Variants in WNK3 observed in about 807,000 individuals in gnomAD.
The protein encoded by WNK3 is serine/threonine-protein kinase WNK3.
A neutral mutation model predicts 116.7 loss-of-function variants in WNK3; 18 were observed. The ratio of observed to expected loss-of-function variants is 0.15; its 90% confidence interval spans 0.11 to 0.23. The LOEUF (loss-of-function observed/expected upper bound fraction) is 0.23. Among genes scored for constraint, WNK3 ranks in the 10% least tolerant of loss-of-function variants. The pLI is 1.00. For missense variants in WNK3, 993 were observed against 1,323.8 expected, an observed-to-expected ratio of 0.75 and a Z score of 3.88; for synonymous variants, 404 against 469.4, an observed-to-expected ratio of 0.86 and a Z score of 1.80.
chrX:54,200,215 A>C (rs782676089), intron 23 of WNK3, among the ~76,000 whole-genome samples: 13 of 112,063 alleles, frequency 1.2e-4, no homozygotes, highest in African/African-American at 3.9e-4. Flanking sequence ...TCGTATATGC[A>C]ATTCTGTTAT....
At chrX:54,286,816 G>T (rs1339853892) in intron 10 of WNK3, among the ~76,000 whole-genome samples, 1 of 108,090 alleles carries the variant, frequency 9.3e-6, no homozygotes, top group Non-Finnish European at 1.9e-5. Flanking sequence ...AGGAGGTTGA[G>T]GCAGGAGAAT....
intron 10 of WNK3, among the ~76,000 whole-genome samples, chrX:54,276,615 T>C (rs1245430302): frequency 9.0e-6 from 1 of 111,356 alleles, no homozygotes; most frequent in Non-Finnish European, 1.9e-5. Context: ...TGTTTCGATA[T>C]TTGAAATCCA....
intron 10 of WNK3, among the ~76,000 whole-genome samples, chrX:54,279,679 G>C (rs781932230): frequency 2.0e-4 from 22 of 112,217 alleles, no homozygotes; most frequent in African/African-American, 6.8e-4. Flanking sequence ...AATTCAGAAT[G>C]TAAATTAAAA....
chrX:54,257,519 G>T (rs1160863868), intron 11 of WNK3, among the ~76,000 whole-genome samples: 1 of 111,114 alleles, frequency 9.0e-6, no homozygotes, highest in Non-Finnish European at 1.9e-5. Context: ...AATAGGCCAG[G>T]CATGGTGGCT....
At chrX:54,296,886 G>T (rs1459808408) in intron 7 of WNK3, among the ~76,000 whole-genome samples, 3 of 110,671 alleles carry the variant, frequency 2.7e-5, no homozygotes, top group African/African-American at 9.9e-5. Context: ...TTGAGAGTGG[G>T]GGCTGGTCAC....
intron 2 of WNK3, among the ~76,000 whole-genome samples, chrX:54,331,228 CA>C (rs1335666181): frequency 9.5e-6 from 1 of 104,785 alleles, no homozygotes; most frequent in Non-Finnish European, 2.0e-5. Context: ...ATTTGGAAAT[CA>C]AAAAATAAAA....
At chrX:54,358,781 G>A (rs2069635623), upstream of WNK3, 1 of 113,138 alleles carries the variant, frequency 8.8e-6, no homozygotes, top group South Asian at 3.6e-4. Context: ...CGGGTGCGAT[G>A]TACCCTGGGA....
At chrX:54,286,359 G>A (rs1267800329) in intron 10 of WNK3, among the ~76,000 whole-genome samples, 7 of 110,967 alleles carry the variant, frequency 6.3e-5, no homozygotes, top group Non-Finnish European at 1.1e-4. Flanking sequence ...GAGTCAGCAC[G>A]CACATACTGA....
At chrX:54,257,700 G>C (rs943303305) in intron 11 of WNK3, among the ~76,000 whole-genome samples, 3 of 98,076 alleles carry the variant, frequency 3.1e-5, no homozygotes, top group African/African-American at 1.1e-4. Context: ...TGAGGCAGGA[G>C]AATCGCTTGA....
At chrX:54,197,193 G>A (rs782691752) in exon 24 of WNK3, 1 of 112,242 alleles carries the variant, frequency 8.9e-6, no homozygotes, top group East Asian at 2.8e-4. Flanking sequence ...ATTCATATCA[G>A]CTGCAATATA....
At chrX:54,198,118 G>A (rs1030467467) in exon 24 of WNK3, 3 of 320,685 alleles carry the variant, frequency 9.4e-6, no homozygotes, top group Non-Finnish European at 1.6e-5. Context: ...AAACATTTCT[G>A]TGTGCAGTGT....
intron 2 of WNK3, among the ~76,000 whole-genome samples, chrX:54,327,321 T>C (rs781795536): frequency 3.4e-4 from 38 of 111,346 alleles, no homozygotes; most frequent in Non-Finnish European, 6.2e-4. Flanking sequence ...TGGTGGCTCA[T>C]GTCTGTAATC....
At chrX:54,238,627 C>T (rs1450506390) in intron 18 of WNK3, among the ~76,000 whole-genome samples, 155 bp from the exon 19 acceptor site, 1 of 111,723 alleles carries the variant, frequency 9.0e-6, no homozygotes, top group Non-Finnish European at 1.9e-5. Context: ...GTATTAAGTC[C>T]CTAAGTCTAA....
At chrX:54,212,427 T>A (rs1383391518) in intron 22 of WNK3, among the ~76,000 whole-genome samples, 1 of 111,765 alleles carries the variant, frequency 8.9e-6, no homozygotes, top group Non-Finnish European at 1.9e-5. Context: ...AAAAGCAATT[T>A]AGGAGGTCAG....
chrX:54,237,304 G>A, exon 20 of WNK3: 2 of 1,212,206 alleles, frequency 1.6e-6, no homozygotes, highest in Non-Finnish European at 2.2e-6. Context: ...TGCGCTGAAA[G>A]ATAAGAAGTT....
Position 54,287,875 on chromosome X carries a change from G to A in WNK3, c.2037+5013C>T, listed in dbSNP as rs186453406. On this transcript the variant is annotated intron_variant, in intron 10 of 23. Transcript: ENST00000354646. ...CACAATCATCCTTATTTTCCCCCAC[G>A]AGGATTTACCGTTGGAATTTCTTGG... Among the ~76,000 whole-genome samples, 16 of 111,897 alleles carry A rather than the reference G, an allele frequency of 1.4e-4. 1 individual carries two copies.
intron 2 of WNK3, among the ~76,000 whole-genome samples, chrX:54,326,878 C>T (rs902649492): frequency 9.1e-6 from 1 of 109,356 alleles, no homozygotes; most frequent in Non-Finnish European, 1.9e-5. Context: ...CCCAGCTACT[C>T]GGGAGGCTGA....
rs782403741 is a variant in WNK3 at position 54,330,637 on chromosome X, G to A, written c.537+2500C>T. Reference sequence around the variant, plus strand: ...AGAAGAACCTTATAATGAAATAGTAGGCATCTATTTTAAAAAAATTATGTA... The same window carrying A: ...AGAAGAACCTTATAATGAAATAGTAAGCATCTATTTTAAAAAAATTATGTA... On this transcript the variant is annotated intron_variant, in intron 2 of 23. Coordinates refer to ENST00000354646, the Ensembl canonical transcript of WNK3. Among the ~76,000 whole-genome samples, 6 of 110,984 alleles carry A rather than the reference G, an allele frequency of 5.4e-5. No homozygotes were observed. The East Asian group carries it at 1.7e-3, about 32-fold the overall frequency.
At chrX:54,209,545 CTT>C (rs781825501) in intron 22 of WNK3, among the ~76,000 whole-genome samples, 7 of 78,454 alleles carry the variant, frequency 8.9e-5, no homozygotes, top group African/African-American at 3.9e-4. Context: ...TTAAGCAGTG[CTT>C]TTTTTTTTTT....
Sources: allele counts gnomAD v4.1 joint callset (sites outside exome capture counted in the v4.1 genomes callset), GRCh38; gene constraint gnomAD v4.1.1; transcripts MANE v1.5; gene names NCBI Gene and HGNC (gene_info 2026-07-23, HGNC 2026-07-21).